GNG2: variants seen among roughly 807,000 people sequenced by gnomAD.
The protein encoded by GNG2 is guanine nucleotide-binding protein G(I)/G(S)/G(O) subunit gamma-2.
Under a neutral mutation model 5.5 loss-of-function variants are expected in GNG2, and 5 were observed. That is an observed-to-expected ratio of 0.91 (90% CI 0.48 to 1.92). The LOEUF (loss-of-function observed/expected upper bound fraction) is 1.92. Ranked by LOEUF, GNG2 falls within the 30% of genes most tolerant of loss-of-function variation. The pLI, the probability that GNG2 is intolerant of heterozygous loss-of-function variation, is 0.01. For synonymous variants in GNG2, 28 were observed against 32.0 expected (o/e 0.88, Z 0.42); for missense variants, 55 against 88.4 (o/e 0.62, Z 1.52).
chr14:51,839,188 C>A (rs11851241), intron 2 of GNG2, among the ~76,000 whole-genome samples: 1 of 151,904 alleles, frequency 6.6e-6, no homozygotes, highest in Non-Finnish European at 1.5e-5. Flanking sequence ...CATATGTCCA[C>A]GGTGGTCAGG....
chr14:51,851,544 A>G (rs569129269), intron 2 of GNG2, among the ~76,000 whole-genome samples: 36 of 152,352 alleles, frequency 2.4e-4, no homozygotes, highest in African/African-American at 7.7e-4. Flanking sequence ...GGCACCATCA[A>G]GACCCTGCCT....
chr14:51,877,183 T>C (rs1292233182), intron 1 of GNG2, among the ~76,000 whole-genome samples: 1 of 152,186 alleles, frequency 6.6e-6, no homozygotes, highest in African/African-American at 2.4e-5. Context: ...GCACTCAAAC[T>C]CTGTCCCTAA....
intron 1 of GNG2, among the ~76,000 whole-genome samples, chr14:51,870,280 G>A (rs1283080496): frequency 6.6e-6 from 1 of 151,888 alleles, no homozygotes; most frequent in Admixed American, 6.6e-5. Context: ...TTTGTTGTTA[G>A]CAATGATCTA....
intron 2 of GNG2, among the ~76,000 whole-genome samples, chr14:51,919,610 C>A (rs1159672982): frequency 1.3e-5 from 2 of 152,176 alleles, no homozygotes; most frequent in Non-Finnish European, 2.9e-5. Context: ...ACAACATAAC[C>A]AGTCCCAGCT....
At chr14:51,867,643 T>A (rs1213710531) in intron 1 of GNG2, among the ~76,000 whole-genome samples, 7 of 152,196 alleles carry the variant, frequency 4.6e-5, no homozygotes, top group Admixed American at 4.6e-4. Flanking sequence ...TGACTTGTTT[T>A]TTGAGTTCTT....
At chr14:51,885,106 G>A (rs191702297) in intron 2 of GNG2, among the ~76,000 whole-genome samples, 1 of 152,276 alleles carries the variant, frequency 6.6e-6, no homozygotes, top group African/African-American at 2.4e-5. Context: ...CAGTCCATGT[G>A]AGCCAATACA....
chr14:51,923,040 T>C (rs1000745346), intron 2 of GNG2, among the ~76,000 whole-genome samples: 2 of 152,252 alleles, frequency 1.3e-5, no homozygotes, highest in Non-Finnish European at 2.9e-5. Flanking sequence ...ACTTTCTTTA[T>C]GGTTTCCCAC....
chr14:51,902,367 CA>C (rs1448933820), intron 2 of GNG2, among the ~76,000 whole-genome samples: 1 of 152,186 alleles, frequency 6.6e-6, no homozygotes, highest in Non-Finnish European at 1.5e-5. Context: ...TGAATTTTAA[CA>C]GGCAGTTTGT....
intron 2 of GNG2, among the ~76,000 whole-genome samples, chr14:51,837,771 C>T (rs1161652888): frequency 6.6e-6 from 1 of 151,956 alleles, no homozygotes; most frequent in East Asian, 1.9e-4. Context: ...TTTATAGAGG[C>T]TGAAAAAGAA....
At chr14:51,932,405 ATAC>A (rs1887723583) in intron 2 of GNG2, among the ~76,000 whole-genome samples, 1 of 152,168 alleles carries the variant, frequency 6.6e-6, no homozygotes, top group South Asian at 2.1e-4. Context: ...AAAAAGATAA[ATAC>A]TGTATGATTC....
intron 2 of GNG2, among the ~76,000 whole-genome samples, chr14:51,911,473 G>A (rs77724066): frequency 0.019 from 2,913 of 152,024 alleles, 95 homozygotes; most frequent in African/African-American, 0.067. Flanking sequence ...TTACTGACTG[G>A]GAAATCTTGG....
At chr14:51,881,931 T>G (rs1248542870) in intron 2 of GNG2, among the ~76,000 whole-genome samples, 3 of 152,172 alleles carry the variant, frequency 2.0e-5, no homozygotes, top group Non-Finnish European at 4.4e-5. Context: ...GTTTCTTCCT[T>G]CCAGGACTTT....
At chr14:51,889,870 A>G (rs777950410) in intron 2 of GNG2, among the ~76,000 whole-genome samples, 5 of 152,218 alleles carry the variant, frequency 3.3e-5, no homozygotes, top group Non-Finnish European at 5.9e-5. Flanking sequence ...CTTTTTAAAA[A>G]TAACATGCAT....
chr14:51,857,523 A>G (rs1882217931), upstream of GNG2, among the ~76,000 whole-genome samples: 2 of 152,214 alleles, frequency 1.3e-5, 1 homozygote, highest in Admixed American at 1.3e-4. Context: ...TAGGAAAGTG[A>G]CTTGATCAAC....
chr14:51,855,373 C>G (rs1323680610), intron 2 of GNG2, among the ~76,000 whole-genome samples: 4 of 152,214 alleles, frequency 2.6e-5, no homozygotes, highest in African/African-American at 2.4e-5. Context: ...CCACCCACCC[C>G]CTGACTCTCT....
chr14:51,938,171 G>T (rs1215184671), intron 2 of GNG2, among the ~76,000 whole-genome samples: 2 of 152,134 alleles, frequency 1.3e-5, no homozygotes, highest in African/African-American at 2.4e-5. Flanking sequence ...CTTCATGAAA[G>T]TTAGAAATTC....
upstream of GNG2, among the ~76,000 whole-genome samples, chr14:51,856,586 C>G (rs1882171819): frequency 6.6e-6 from 1 of 152,252 alleles, no homozygotes; most frequent in African/African-American, 2.4e-5. Flanking sequence ...GCGTGCACCA[C>G]TACACCCGGC....
intron 2 of GNG2, among the ~76,000 whole-genome samples, chr14:51,929,329 G>A (rs1253696): frequency 0.56 from 84,478 of 152,052 alleles, 23,975 homozygotes; most frequent in African/African-American, 0.65. Context: ...ATCTACCCCC[G>A]ATGGTGGATG....
intron 2 of GNG2, among the ~76,000 whole-genome samples, chr14:51,924,178 A>G (rs767541271): frequency 1.3e-5 from 2 of 152,244 alleles, no homozygotes; most frequent in Non-Finnish European, 2.9e-5. Flanking sequence ...TTTGTAGACT[A>G]GAGCAAGCCA....
Sources: allele counts gnomAD v4.1 joint callset (sites outside exome capture counted in the v4.1 genomes callset), GRCh38; gene constraint gnomAD v4.1.1; transcripts MANE v1.5; gene names NCBI Gene and HGNC (gene_info 2026-07-23, HGNC 2026-07-21).